Variants in EMILIN2 observed in about 807,000 individuals in gnomAD.
EMILIN2 encodes EMILIN-2.
A neutral mutation model predicts 87.1 loss-of-function variants in EMILIN2; 71 were observed. That is an observed-to-expected ratio of 0.82 (90% CI 0.67 to 0.99). The LOEUF is 0.99. Ranked by LOEUF, EMILIN2 falls within the 50% of genes least tolerant of loss-of-function variation. The pLI is 0.00. For missense variants in EMILIN2, 1,407 were observed against 1,371.8 expected (o/e 1.03, Z -0.40); for synonymous variants, 581 against 563.4 (o/e 1.03, Z -0.44).
At chr18:2,899,748 T>C (rs1051994020) in intron 4 of EMILIN2, among the ~76,000 whole-genome samples, 11 of 151,998 alleles carry the variant, frequency 7.2e-5, no homozygotes, top group Non-Finnish European at 1.5e-4. Flanking sequence ...AGGTGATCCA[T>C]CCACCTCAGC....
At position 2,890,635 on chromosome 18, in the gene EMILIN2, G is replaced by T. The variant is rs1186113191; in HGVS notation, c.508G>T (p.Val170Leu). ...PTGTAQPSWG[V>L]DPKEGPQELQ... ...TGGTACAGCACAACCAAGCTGGGGG[G>T]TAGATCCAAAAGAGGGGCCTCAGGA... Residue 170 changes from valine (V) to leucine (L), a missense_variant, in exon 4 of 8, where the codon GTA (valine) becomes TTA (leucine). Coordinates refer to ENST00000254528, the MANE Select transcript of EMILIN2 (RefSeq NM_032048.3). This position sits in a 1 kb window ranked among gnomAD's most constrained non-coding sequence, Gnocchi z 4.7. The T allele has an allele frequency of 2.5e-6, 4 of 1,613,808 alleles. No individual in the cohort carries two copies. Among genetic ancestry groups the T allele is most frequent in the Non-Finnish European group, 2.5e-6 (3 of 1,179,718 alleles).
At chr18:2,851,419 A>C (rs28734067) in intron 2 of EMILIN2, among the ~76,000 whole-genome samples, 5,553 of 152,224 alleles carry the variant, frequency 0.036, 352 homozygotes, top group African/African-American at 0.13. Flanking sequence ...TGGGTGATAG[A>C]GTGAGATCCT....
rs750260260 is a variant in EMILIN2 at position 2,847,842 on chromosome 18, G to A, written c.168G>A (p.Val56=). 1.2e-6 allele frequency: 2 copies of A among 1,613,498 alleles called. No individual in the cohort carries two copies. Among genetic ancestry groups the A allele is most frequent in the South Asian group, 2.2e-5 (2 of 91,082 alleles). Residue 56 remains valine (V), a synonymous_variant, in exon 2 of 8, where the codon GTG becomes GTA. Transcript: ENST00000254528. This position sits in a 1 kb window ranked among gnomAD's most constrained non-coding sequence, Gnocchi z 4.5. ...NWCAYIVNKN[V]SCSVLEGSES... Reference sequence around the variant, plus strand: ...GCGCCTACATCGTGAACAAGAATGTGAGCTGCTCCGTGCTGGAGGGAAGTG... The same window carrying A: ...GCGCCTACATCGTGAACAAGAATGTAAGCTGCTCCGTGCTGGAGGGAAGTG...
chr18:2,876,499 GC>G (rs2076748513), intron 2 of EMILIN2, among the ~76,000 whole-genome samples: 1 of 147,252 alleles, frequency 6.8e-6, no homozygotes, highest in Non-Finnish European at 1.5e-5. Flanking sequence ...AGGCGCGGTG[GC>G]TCACGCCTGT....
In EMILIN2 at chr18:2,890,485, C is replaced by T; in HGVS notation, c.434-76C>T. 1 of 1,491,094 alleles carries T rather than the reference C, an allele frequency of 6.7e-7. No individual in the cohort carries two copies. The highest frequency in any genetic ancestry group is 9.0e-7 in the Non-Finnish European group (1 of 1,113,652). 92.4% of individuals were successfully genotyped at this position (1,491,094 alleles called of 1,614,324 possible). A position where few individuals can be genotyped will look rare whatever the true frequency, so the allele number is the denominator to read the frequency against. ...AAGATGTACATGTATTTTGTAGGTA[C>T]CTTGTTTATTGTCTTGGCAGAATCT... is the stretch of plus-strand genomic sequence containing the variant. On this transcript the variant is annotated intron_variant, in intron 3 of 7. Coordinates refer to ENST00000254528, the MANE Select transcript of EMILIN2 (RefSeq NM_032048.3). The surrounding 1 kb of genome is among the most constrained non-coding windows in gnomAD (Gnocchi z 4.7).
chr18:2,847,008 A>G lies in EMILIN2; in HGVS notation c.-181A>G. On this transcript the variant is annotated 5_prime_UTR_variant, in exon 1 of 8. Coordinates refer to ENST00000254528, the MANE Select transcript of EMILIN2 (RefSeq NM_032048.3). The surrounding 1 kb of genome is among the most constrained non-coding windows in gnomAD (Gnocchi z 4.5). Reference sequence around the variant, plus strand: ...AAGCGCAGGGCGCACGGGGCTGCAGAAGGAGAAGTAGGAACGAGAAGCCGG... The same window carrying G: ...AAGCGCAGGGCGCACGGGGCTGCAGGAGGAGAAGTAGGAACGAGAAGCCGG... 9.6e-7 allele frequency: 1 copy of G among 1,041,262 alleles called. No homozygotes were observed. The highest frequency in any genetic ancestry group is 1.2e-6 in the Non-Finnish European group (1 of 861,490). The allele number at this position is 1,041,262 out of a possible 1,614,324, so 64.5% of individuals were successfully genotyped here.
intron 2 of EMILIN2, among the ~76,000 whole-genome samples, chr18:2,876,869 T>C (rs1022765359): frequency 6.6e-6 from 1 of 152,236 alleles, no homozygotes; most frequent in African/African-American, 2.4e-5. Context: ...TTCAGAAATA[T>C]ATTTGCCCGA....
At position 2,847,791 on chromosome 18, in the gene EMILIN2, C is replaced by T. The variant is rs904200547; in HGVS notation, c.135-18C>T. The T allele has an allele frequency of 6.2e-7, 1 of 1,611,730 alleles. No individual in the cohort carries two copies. On this transcript the variant is annotated intron_variant, in intron 1 of 7. Transcript: ENST00000254528. This position sits in a 1 kb window ranked among gnomAD's most constrained non-coding sequence, Gnocchi z 4.5. ...GGGTTTACCCCGTGCCCCTCTCCCT[C>T]TCTCTCCTGCACCCCAGGAACTGGT...
intron 4 of EMILIN2, among the ~76,000 whole-genome samples, chr18:2,896,841 CA>C (rs1218129031): frequency 3.3e-5 from 5 of 151,486 alleles, no homozygotes; most frequent in Non-Finnish European, 5.9e-5. Context: ...GGTCGGGAGA[CA>C]AAAGGTCCAC....
At chr18:2,904,128 AGCATTG>A (rs2076899667) in intron 4 of EMILIN2, among the ~76,000 whole-genome samples, 1 of 152,236 alleles carries the variant, frequency 6.6e-6, no homozygotes, top group African/African-American at 2.4e-5. Context: ...ATTACATTCT[AGCATTG>A]TTTGATGACA....
At position 2,906,734 on chromosome 18, in the gene EMILIN2, G is replaced by A. The variant is rs1429664703; in HGVS notation, c.2360-49G>A. On this transcript the variant is annotated intron_variant, in intron 4 of 7. Transcript: ENST00000254528. ...AGGGGACCCTGACGGGGCAGTCAGGGCTGAGGTTTCCTAATCCCGTGTGTT... is the reference window on the plus strand; with the variant it reads ...AGGGGACCCTGACGGGGCAGTCAGGACTGAGGTTTCCTAATCCCGTGTGTT... 3.2e-5 allele frequency: 39 copies of A among 1,229,698 alleles called. No individual in the cohort carries two copies. In the Middle Eastern group the frequency reaches 9.4e-4, roughly 30 times the overall value. 76.2% of individuals were successfully genotyped at this position (1,229,698 alleles called of 1,614,324 possible).
Position 2,906,843 on chromosome 18 carries a change from C to A in EMILIN2, c.2420C>A (p.Ala807Asp). ...APKEPLQPEP[A>D]PPRPSGPATA... is the part of the protein sequence containing the mutation. Reference sequence around the variant, plus strand: ...AAGGAGCCGCTGCAGCCCGAGCCCGCCCCGCCGAGGCCCAGCGGCCCCGCA... The same window carrying A: ...AAGGAGCCGCTGCAGCCCGAGCCCGACCCGCCGAGGCCCAGCGGCCCCGCA... The change falls in exon 5 of 8, where the codon GCC (alanine) becomes GAC (aspartate). Residue 807 changes from alanine to aspartate, a missense_variant. Ala to Asp is a moderately radical substitution (Grantham distance 126, BLOSUM62 -2). Transcript: ENST00000254528. 1.5e-6 allele frequency: 2 copies of A among 1,345,002 alleles called. No individual in the cohort carries two copies. The highest frequency in any genetic ancestry group is 9.5e-7 in the Non-Finnish European group (1 of 1,049,828). 83.3% of individuals were successfully genotyped at this position (1,345,002 alleles called of 1,614,324 possible).
At chr18:2,884,247 C>T (rs926889950) in intron 2 of EMILIN2, among the ~76,000 whole-genome samples, 3 of 151,874 alleles carry the variant, frequency 2.0e-5, no homozygotes, top group Admixed American at 6.6e-5. Context: ...TGAGCCACCG[C>T]GCCCAGCCTC....
At chr18:2,867,952 C>G (rs868475593) in intron 2 of EMILIN2, among the ~76,000 whole-genome samples, 3 of 151,928 alleles carry the variant, frequency 2.0e-5, no homozygotes, top group South Asian at 2.1e-4. Flanking sequence ...CCTCACCTCC[C>G]GGACGGGGCG....
chr18:2,860,937 G>A (rs1182544373), intron 2 of EMILIN2, among the ~76,000 whole-genome samples: 1 of 152,182 alleles, frequency 6.6e-6, no homozygotes, highest in African/African-American at 2.4e-5. Flanking sequence ...GTTCTAACTG[G>A]TGTGAGATGG....
chr18:2,869,858 G>A (rs565491905), intron 2 of EMILIN2, among the ~76,000 whole-genome samples: 4 of 151,838 alleles, frequency 2.6e-5, no homozygotes, highest in African/African-American at 9.7e-5. Flanking sequence ...AATACAGAGT[G>A]GGCAAAATAA....
At chr18:2,911,073 C>T (rs117317035) in intron 7 of EMILIN2, among the ~76,000 whole-genome samples, 427 of 151,930 alleles carry the variant, frequency 2.8e-3, no homozygotes, top group Non-Finnish European at 4.9e-3. Flanking sequence ...AGAATTTGAC[C>T]AAGGGGCATG....
intron 2 of EMILIN2, among the ~76,000 whole-genome samples, chr18:2,876,370 G>A (rs1598492756): frequency 6.6e-6 from 1 of 152,242 alleles, no homozygotes; most frequent in East Asian, 1.9e-4. Context: ...GCTTACAATT[G>A]TGATTTCTCC....
At chr18:2,885,729 G>A (rs191697679) in intron 3 of EMILIN2, among the ~76,000 whole-genome samples, 1 of 152,198 alleles carries the variant, frequency 6.6e-6, no homozygotes, top group East Asian at 1.9e-4. Flanking sequence ...TGTTGGCCAG[G>A]CTGGTCTCCA....
Sources: allele counts gnomAD v4.1 joint callset (sites outside exome capture counted in the v4.1 genomes callset), GRCh38; gene constraint gnomAD v4.1.1; non-coding constraint Gnocchi (gnomAD v3.1); transcripts MANE v1.5; gene names NCBI Gene and HGNC (gene_info 2026-07-23, HGNC 2026-07-21).